The following EEF1A2 variants were observed in gnomAD, a reference collection of about 807,000 sequenced individuals.
The protein encoded by EEF1A2 is elongation factor 1-alpha 2.
EEF1A2 carries 5 observed loss-of-function variants against 39.3 expected under a neutral mutation model. The observed-to-expected ratio is 0.13, with a 90% CI of 0.07 to 0.27. The LOEUF is 0.27. Among genes scored for constraint, EEF1A2 ranks in the 10% least tolerant of loss-of-function variants. The pLI, the probability that EEF1A2 is intolerant of heterozygous loss-of-function variation, is 1.00. For missense variants in EEF1A2, 218 were observed against 681.4 expected, an observed-to-expected ratio of 0.32 and a Z score of 7.57; for synonymous variants, 287 against 293.7, an observed-to-expected ratio of 0.98 and a Z score of 0.23.
chr20:63,495,169 C>T, intron 3 of EEF1A2, 68 bp from the exon 4 acceptor site: 1 of 1,559,982 alleles, frequency 6.4e-7, no homozygotes, highest in Non-Finnish European at 8.7e-7. Context: ...AGCCTGGCCC[C>T]ACCTCACTTC....
Position 63,497,978 on chromosome 20 carries a change from C to T in EEF1A2, c.-71-144G>A. On this transcript the variant is annotated intron_variant, in intron 1 of 7. Coordinates refer to ENST00000217182, the MANE Select transcript of EEF1A2 (RefSeq NM_001958.5). This position sits in a 1 kb window ranked among gnomAD's most constrained non-coding sequence, Gnocchi z 7.3. ...TTTGGTGGGGAGGGAAGGGCCCCCA[C>T]CCACAGCTGGGCCTGGCCAGGGCAA... The T allele has an allele frequency of 1.7e-6, 1 of 603,988 alleles. No individual in the cohort carries two copies. Among genetic ancestry groups the T allele is most frequent in the Non-Finnish European group, 2.7e-6 (1 of 365,872 alleles). 37.4% of individuals were successfully genotyped at this position (603,988 alleles called of 1,614,324 possible). A position where few individuals can be genotyped will look rare whatever the true frequency, so the allele number is the denominator to read the frequency against.
Position 63,488,347 on chromosome 20 carries a change from GCGC to G in EEF1A2, c.1340_1342del (p.Gly447del), listed in dbSNP as rs764247701. The stretch of plus-strand genomic sequence containing the variant: ...CTGCGCCGACTTGGTGACCTTGCCG[GCGC>G]CGCCGCTCTTCTTCTCCACGTTCTT... On this transcript the variant is annotated inframe_deletion, in exon 8 of 8. Transcript: ENST00000217182. The G allele has an allele frequency of 5.4e-6, 8 of 1,469,804 alleles. No individual in the cohort carries two copies. The highest frequency in any genetic ancestry group is 7.2e-6 in the Non-Finnish European group (8 of 1,111,338). The allele number at this position is 1,469,804 out of a possible 1,614,324, so 91.0% of individuals were successfully genotyped here.
At chr20:63,490,311 C>T (rs1338397470) in intron 6 of EEF1A2, 168 bp downstream of exon 6, 23 of 799,274 alleles carry the variant, frequency 2.9e-5, no homozygotes, top group African/African-American at 3.5e-5. Flanking sequence ...GTGATCTGCC[C>T]GCCTCGGCCT....
chr20:63,494,915 C>A lies in EEF1A2; in HGVS notation c.511G>T (p.Val171Phe), dbSNP rs150580796. Residue 171 changes from valine to phenylalanine, a missense_variant, in exon 4 of 8, where the codon GTC becomes TTC. Around this residue, in one of 4 missense-constraint regions of EEF1A2, gnomAD observed 79 missense variants for 172.3 expected, o/e 0.46. Coordinates refer to ENST00000217182, the MANE Select transcript of EEF1A2 (RefSeq NM_001958.5). ...AYSEKRYDEI[V>F]KEVSAYIKKI... ...TTGATGTAGGCGCTGACTTCCTTGA[C>A]GATCTCGTCGTAGCGCTTCTCGCTG... The A allele has an allele frequency of 6.2e-7, 1 of 1,612,704 alleles. No homozygotes were observed. Among genetic ancestry groups the A allele is most frequent in the African/African-American group, 1.3e-5 (1 of 74,944 alleles).
Position 63,497,080 on chromosome 20 carries a change from A to G in EEF1A2, c.144+540T>C, listed in dbSNP as rs910948. The G allele has an allele frequency of 0.39, 59,764 of 152,450 alleles. 13,572 individuals carry two copies. The highest frequency in any genetic ancestry group is 0.62 in the African/African-American group (25,797 of 41,462). The allele number at this position is 152,450 out of a possible 1,614,324, so 9.4% of individuals were successfully genotyped here. On this transcript the variant is annotated intron_variant, in intron 2 of 7. Coordinates refer to ENST00000217182, the MANE Select transcript of EEF1A2 (RefSeq NM_001958.5). The surrounding 1 kb of genome is among the most constrained non-coding windows in gnomAD (Gnocchi z 7.3). Reference sequence around the variant, plus strand: ...CACCACCGTCTCAGCCACCAAAGAGAAATCGCTTCAAAAGGTCAGCTAGGA... The same window carrying G: ...CACCACCGTCTCAGCCACCAAAGAGGAATCGCTTCAAAAGGTCAGCTAGGA...
At chr20:63,496,234 C>T (rs2082416088) in intron 2 of EEF1A2, 199 bp from the exon 3 acceptor site, 4 of 630,680 alleles carry the variant, frequency 6.3e-6, no homozygotes, top group East Asian at 2.8e-5. Flanking sequence ...CAGGGCCGGC[C>T]TCCGCACCTG....
At chr20:63,493,112 G>A (rs200161967) in intron 5 of EEF1A2, 25 bp downstream of exon 5, 18 of 1,542,902 alleles carry the variant, frequency 1.2e-5, no homozygotes, top group African/African-American at 1.4e-5. Context: ...CCAGGCAGGA[G>A]CTCCAGCACA....
chr20:63,496,339 A>C, intron 2 of EEF1A2: 1 of 397,682 alleles, frequency 2.5e-6, no homozygotes, highest in Non-Finnish European at 4.6e-6. Flanking sequence ...GATGGGATAA[A>C]CCCCTCCCGG....
rs754466423 is a variant in EEF1A2, at chr20:63,490,749, G to A, written c.773-14C>T. 1.5e-5 allele frequency: 24 copies of A among 1,583,986 alleles called. No individual in the cohort carries two copies. The highest frequency in any genetic ancestry group is 1.3e-4 in the South Asian group (12 of 90,772). On this transcript the variant is annotated splice_polypyrimidine_tract_variant and intron_variant, in intron 5 of 7. Transcript: ENST00000217182. ...CCGTGCCAATGCCTGCAGAGGGGAG[G>A]GGGTGTGAGGGGAAGGTGGGGCCCG...
chr20:63,493,386 T>G (rs1251015019), intron 4 of EEF1A2, 99 bp from the exon 5 acceptor site: 6 of 1,364,822 alleles, frequency 4.4e-6, no homozygotes, highest in Non-Finnish European at 5.8e-6. Context: ...CTGTTCAGGC[T>G]AAACTTGCCT....
intron 2 of EEF1A2, 104 bp from the exon 3 acceptor site, chr20:63,496,139 T>A: frequency 1.5e-6 from 2 of 1,375,536 alleles, no homozygotes; most frequent in Non-Finnish European, 2.0e-6. Flanking sequence ...AGGCGGGAGA[T>A]GGGCTCCAGC....
intron 7 of EEF1A2, 59 bp downstream of exon 7, chr20:63,488,859 C>T: frequency 1.9e-6 from 3 of 1,574,060 alleles, no homozygotes; most frequent in South Asian, 2.2e-5. Flanking sequence ...AGTCCTCTGC[C>T]CTCAGCCTGG....
In EEF1A2 at chr20:63,488,438, G is replaced by A; in HGVS notation, c.1265-13C>T. ...ACGGCGAAGCGGCCTGGGGGGCGGG[G>A]GGCGGCGTGTGGGCGGGGCCGGAGG... On this transcript the variant is annotated splice_polypyrimidine_tract_variant and intron_variant, in intron 7 of 7. Transcript: ENST00000217182. 7.0e-7 allele frequency: 1 copy of A among 1,436,314 alleles called. No individual in the cohort carries two copies. The highest frequency in any genetic ancestry group is 2.3e-4 in the Middle Eastern group (1 of 4,314). The allele number at this position is 1,436,314 out of a possible 1,614,324, so 89.0% of individuals were successfully genotyped here.
intron 6 of EEF1A2, chr20:63,490,256 G>A (rs925733655): frequency 1.9e-5 from 10 of 517,462 alleles, no homozygotes; most frequent in Middle Eastern, 4.5e-4. Flanking sequence ...TAGTAGAGAC[G>A]GGGTTTCACC....
chr20:63,490,762 A>C, intron 5 of EEF1A2, 27 bp from the exon 6 acceptor site: 2 of 1,579,288 alleles, frequency 1.3e-6, no homozygotes, highest in East Asian at 2.3e-5. Flanking sequence ...GTGTGAGGGG[A>C]AGGTGGGGCC....
At chr20:63,495,253 C>T in intron 3 of EEF1A2, 152 bp from the exon 4 acceptor site, 2 of 1,176,166 alleles carry the variant, frequency 1.7e-6, no homozygotes, top group Non-Finnish European at 2.3e-6. Context: ...TGGGGGTCCC[C>T]ACTTCAAGGG....
At position 63,498,083 on chromosome 20, in the gene EEF1A2, C is replaced by T. The variant is rs561567480; in HGVS notation, c.-71-249G>A. On this transcript the variant is annotated intron_variant, in intron 1 of 7. Coordinates refer to ENST00000217182, the MANE Select transcript of EEF1A2 (RefSeq NM_001958.5). The surrounding 1 kb of genome is among the most constrained non-coding windows in gnomAD (Gnocchi z 4.1). Reference sequence around the variant, plus strand: ...CTGTAAATAACTGGGCGTTGGAGCCCGCGGGCTGCTCCTTGGGAAGGGGTT... The same window carrying T: ...CTGTAAATAACTGGGCGTTGGAGCCTGCGGGCTGCTCCTTGGGAAGGGGTT... 9.2e-5 allele frequency: 23 copies of T among 249,606 alleles called. No individual in the cohort carries two copies. The highest frequency in any genetic ancestry group is 1.7e-4 in the East Asian group (2 of 11,732). The allele number at this position is 249,606 out of a possible 1,614,324, so 15.5% of individuals were successfully genotyped here. A position where few individuals can be genotyped will look rare whatever the true frequency, so the allele number is the denominator to read the frequency against.
chr20:63,488,451 G>A, intron 7 of EEF1A2, 26 bp from the exon 8 acceptor site: 1 of 1,411,518 alleles, frequency 7.1e-7, no homozygotes, highest in Non-Finnish European at 9.2e-7. Context: ...CGGCGTGTGG[G>A]CGGGGCCGGA....
In EEF1A2 at chr20:63,497,879, AG is replaced by A. The variant is rs2082425526; in HGVS notation, c.-71-46del. 1 of 1,370,494 alleles carries A rather than the reference AG, an allele frequency of 7.3e-7. No homozygotes were observed. The highest frequency in any genetic ancestry group is 1.4e-5 in the African/African-American group (1 of 69,196). The allele number at this position is 1,370,494 out of a possible 1,614,324, so 84.9% of individuals were successfully genotyped here. On this transcript the variant is annotated intron_variant, in intron 1 of 7. Transcript: ENST00000217182. The surrounding 1 kb of genome is among the most constrained non-coding windows in gnomAD (Gnocchi z 7.3). ...GGGGAGACCGGTGATGGGGAGCCCCAGGGGGAGACACCAGCAGAGACTGTCC... is the reference window on the plus strand; with the variant it reads ...GGGGAGACCGGTGATGGGGAGCCCCAGGGGAGACACCAGCAGAGACTGTCC...
Sources: allele counts gnomAD v4.1 joint callset, GRCh38; gene constraint gnomAD v4.1.1; regional missense constraint gnomAD v4.1.1; non-coding constraint Gnocchi (gnomAD v3.1); transcripts MANE v1.5; gene names NCBI Gene and HGNC (gene_info 2026-07-23, HGNC 2026-07-21).